Variants in C10orf90 observed in about 807,000 individuals in gnomAD.
C10orf90 encodes the protein chromosome 10 open reading frame 90.
In C10orf90, 56 loss-of-function variants were observed where a neutral mutation model predicts 62.5. The ratio of observed to expected loss-of-function variants is 0.90; its 90% CI spans 0.72 to 1.12. The LOEUF is 1.12. Among genes scored for constraint, C10orf90 ranks in the 50% most tolerant of loss-of-function variants. The pLI, the probability that C10orf90 is intolerant of heterozygous loss-of-function variation, is 0.00. For missense variants in C10orf90, 970 were observed against 880.4 expected, an observed-to-expected ratio of 1.10 and a Z score of -1.29; for synonymous variants, 386 against 340.4, an observed-to-expected ratio of 1.13 and a Z score of -1.47.
At chr10:126,535,471 C>A (rs1864210535) in intron 2 of C10orf90, among the ~76,000 whole-genome samples, 1 of 150,194 alleles carries the variant, frequency 6.7e-6, no homozygotes, top group South Asian at 2.1e-4. Flanking sequence ...GAGCTGAGAT[C>A]ACGCCACTGC....
intron 2 of C10orf90, among the ~76,000 whole-genome samples, chr10:126,540,871 T>C (rs1415868736): frequency 6.6e-6 from 1 of 152,172 alleles, no homozygotes; most frequent in Non-Finnish European, 1.5e-5. Context: ...ATGAAAGGAA[T>C]ATTTTAAATC....
At chr10:126,647,710 C>T (rs975367749) in intron 1 of C10orf90, among the ~76,000 whole-genome samples, 12 of 152,352 alleles carry the variant, frequency 7.9e-5, no homozygotes, top group African/African-American at 2.9e-4. Flanking sequence ...CTAATAAGTG[C>T]TGAAAATTAT....
Position 126,426,023 on chromosome 10 carries a change from T to G in C10orf90, c.2320A>C (p.Ser774Arg), listed in dbSNP as rs769318720. The G allele has an allele frequency of 4.3e-6, 7 of 1,614,104 alleles. No homozygotes were observed. The African/African-American group carries it at 9.3e-5, about 22-fold the overall frequency. ...EEQRKRVILQ[S>R]NRLRAEVFKK... Reference sequence around the variant, plus strand: ...AAGACTTCGGCACGGAGTCTGTTACTTTGTAAGATCACCCTTTTCCTTTGT... The same window carrying G: ...AAGACTTCGGCACGGAGTCTGTTACGTTGTAAGATCACCCTTTTCCTTTGT... The change falls in exon 9 of 10, where the codon AGT becomes CGT. Residue 774 changes from serine (S) to arginine (R), a missense_variant. Coordinates refer to ENST00000488181, the MANE Select transcript of C10orf90 (RefSeq NM_001350921.2).
intron 2 of C10orf90, among the ~76,000 whole-genome samples, chr10:126,538,770 C>T (rs1250689431): frequency 1.3e-5 from 2 of 152,154 alleles, no homozygotes; most frequent in Non-Finnish European, 2.9e-5. Context: ...GCCTTGGAAG[C>T]CCATGCTTAA....
At chr10:126,548,697 A>G (rs1864561351) in intron 2 of C10orf90, among the ~76,000 whole-genome samples, 1 of 152,036 alleles carries the variant, frequency 6.6e-6, no homozygotes, top group African/African-American at 2.4e-5. Flanking sequence ...AACTAAATAA[A>G]TAAAGTGGAA....
chr10:126,555,089 C>T (rs942942801), intron 2 of C10orf90, among the ~76,000 whole-genome samples: 1 of 152,152 alleles, frequency 6.6e-6, no homozygotes, highest in Non-Finnish European at 1.5e-5. Context: ...GGCGTCTGCA[C>T]ATTATCAGTA....
intron 2 of C10orf90, among the ~76,000 whole-genome samples, chr10:126,567,369 A>G (rs973341051): frequency 1.3e-5 from 2 of 152,108 alleles, no homozygotes; most frequent in African/African-American, 4.8e-5. Flanking sequence ...GTAAAAACTC[A>G]CTCAGTATCA....
intron 2 of C10orf90, among the ~76,000 whole-genome samples, chr10:126,586,466 G>A (rs776542050): frequency 7.9e-5 from 12 of 152,324 alleles, no homozygotes; most frequent in African/African-American, 1.2e-4. Flanking sequence ...GCGCTCTTTC[G>A]TGAGTCCATT....
At position 126,505,077 on chromosome 10, in the gene C10orf90, C is replaced by G. The variant is rs1425571282; in HGVS notation, c.414G>C (p.Leu138=). Residue 138 remains leucine, a synonymous_variant, in exon 4 of 10, where the codon CTG becomes CTC. Transcript: ENST00000488181. ...AAATCATTTTTGTGTTTTGTGATGC[C>G]AGGGTCTCCTGCAAATAGAAAAAGA... The part of the protein sequence containing the change: ...EAKSDFTKET[L]ASQNTKMISS... 3 of 1,604,738 alleles carry G rather than the reference C, an allele frequency of 1.9e-6. No homozygotes were observed. The highest frequency in any genetic ancestry group is 2.6e-6 in the Non-Finnish European group (3 of 1,174,466).
intron 3 of C10orf90, among the ~76,000 whole-genome samples, chr10:126,505,576 C>T (rs1332924034): frequency 1.1e-4 from 16 of 152,172 alleles, no homozygotes; most frequent in Non-Finnish European, 1.3e-4. Context: ...TGGAGTCCTC[C>T]ACATTTGCCG....
At chr10:126,543,237 T>C (rs1222647966) in intron 2 of C10orf90, among the ~76,000 whole-genome samples, 1 of 152,158 alleles carries the variant, frequency 6.6e-6, no homozygotes, top group Admixed American at 6.5e-5. Context: ...AACAAATTTG[T>C]AAATATTCAA....
At chr10:126,478,473 G>A (rs1490105375) in intron 4 of C10orf90, among the ~76,000 whole-genome samples, 1 of 152,158 alleles carries the variant, frequency 6.6e-6, no homozygotes, top group Non-Finnish European at 1.5e-5. Flanking sequence ...CTTTAAACAG[G>A]GGATCTGTAA....
intron 2 of C10orf90, among the ~76,000 whole-genome samples, chr10:126,613,811 T>C (rs533322178): frequency 6.6e-6 from 1 of 152,338 alleles, no homozygotes; most frequent in East Asian, 1.9e-4. Context: ...TTTGAGCCTC[T>C]GGCTTATGCA....
chr10:126,458,811 G>T (rs577460727), intron 7 of C10orf90, among the ~76,000 whole-genome samples: 33 of 152,272 alleles, frequency 2.2e-4, no homozygotes, highest in African/African-American at 7.5e-4. Flanking sequence ...ATGGTAAATT[G>T]GTGTCCCAAG....
chr10:126,433,344 C>T (rs1047454410), intron 7 of C10orf90, among the ~76,000 whole-genome samples: 5 of 152,038 alleles, frequency 3.3e-5, no homozygotes, highest in Non-Finnish European at 7.4e-5. Context: ...TGAGGGGAGA[C>T]ATCAGGAGGG....
chr10:126,542,153 A>T (rs1245747370), intron 2 of C10orf90, among the ~76,000 whole-genome samples: 1 of 152,210 alleles, frequency 6.6e-6, no homozygotes. Flanking sequence ...GCAGTTTTTA[A>T]GTACTGGGGG....
At chr10:126,507,356 C>CAAAAAAA (rs1204374185) in intron 3 of C10orf90, among the ~76,000 whole-genome samples, 3 of 69,046 alleles carry the variant, frequency 4.3e-5, no homozygotes, top group African/African-American at 1.1e-4. Flanking sequence ...GACTCCATCT[C>CAAAAAAA]AAAAAAAAAA....
intron 2 of C10orf90, among the ~76,000 whole-genome samples, chr10:126,590,738 A>G (rs564579662): frequency 6.6e-6 from 1 of 152,286 alleles, no homozygotes; most frequent in Admixed American, 6.5e-5. Flanking sequence ...AGCTAGAAAG[A>G]TCTCAAATCA....
chr10:126,565,356 A>ATAATATATATAATATATATT (rs1259387329), intron 2 of C10orf90, among the ~76,000 whole-genome samples: 4 of 48,560 alleles, frequency 8.2e-5, no homozygotes, highest in African/African-American at 3.2e-4. Flanking sequence ...TATAATATAT[A>ATAATATATATAATATATATT]ATATATATTA....
Sources: gnomAD v4.1 joint callset for allele counts (sites outside exome capture counted in the v4.1 genomes callset) on GRCh38, gnomAD v4.1.1 for gene constraint, MANE v1.5 for transcripts, NCBI Gene and HGNC (gene_info 2026-07-23, HGNC 2026-07-21) for gene names.